Variants in TACR3 observed in about 807,000 individuals in gnomAD.
TACR3 encodes neuromedin-K receptor.
Under a neutral mutation model 35.0 loss-of-function variants are expected in TACR3, and 34 were observed. The observed-to-expected ratio is 0.97, with a 90% CI of 0.74 to 1.30. The LOEUF (loss-of-function observed/expected upper bound fraction) is 1.30, where lower values mean the gene tolerates loss of function less well. TACR3 is among the 50% of genes most tolerant of loss of function. The probability of loss-of-function intolerance (pLI) is 0.00; values close to 1 mark genes in which losing one functional copy is unlikely to be tolerated. For missense variants in TACR3, 558 were observed against 591.7 expected (o/e 0.94, Z 0.59); for synonymous variants, 233 against 221.1 (o/e 1.05, Z -0.48).
chr4:103,599,969 TA>T (rs1724153575), intron 3 of TACR3, among the ~76,000 whole-genome samples: 1 of 152,178 alleles, frequency 6.6e-6, no homozygotes, highest in South Asian at 2.1e-4. Flanking sequence ...GCTGGCCTCA[TA>T]AAATGAGTTA....
intron 3 of TACR3, among the ~76,000 whole-genome samples, chr4:103,623,255 C>G (rs888718592): frequency 1.3e-5 from 2 of 152,066 alleles, no homozygotes; most frequent in African/African-American, 2.4e-5. Context: ...CTTTTTTCCA[C>G]TCAACTATTG....
chr4:103,591,286 G>A, intron 4 of TACR3: 1 of 614,492 alleles, frequency 1.6e-6, no homozygotes, highest in African/African-American at 1.8e-5. Context: ...ATTATTTGGG[G>A]CATCTAATTA....
intron 3 of TACR3, among the ~76,000 whole-genome samples, chr4:103,619,285 G>T (rs1243002947): frequency 6.6e-6 from 1 of 152,090 alleles, no homozygotes; most frequent in African/African-American, 2.4e-5. Context: ...TGCCTCCAGG[G>T]TTCAAGCAAT....
chr4:103,610,357 G>A (rs1724486472), intron 3 of TACR3, among the ~76,000 whole-genome samples: 1 of 151,714 alleles, frequency 6.6e-6, no homozygotes, highest in Admixed American at 6.6e-5. Context: ...TCTAATTTGT[G>A]TTTCTCTAAT....
intron 3 of TACR3, among the ~76,000 whole-genome samples, chr4:103,603,100 T>TG (rs1016655714): frequency 6.6e-6 from 1 of 152,184 alleles, no homozygotes; most frequent in African/African-American, 2.4e-5. Flanking sequence ...CAATGGCAGG[T>TG]GCCCCTCCCC....
At chr4:103,597,054 A>G (rs901653642) in intron 3 of TACR3, among the ~76,000 whole-genome samples, 1 of 152,112 alleles carries the variant, frequency 6.6e-6, no homozygotes, top group Non-Finnish European at 1.5e-5. Flanking sequence ...TAGTGCCGCA[A>G]TAAACACATG....
intron 1 of TACR3, among the ~76,000 whole-genome samples, chr4:103,673,169 G>A (rs1259759669): frequency 1.3e-5 from 2 of 152,058 alleles, no homozygotes. Context: ...TGCTTTGTTT[G>A]CTTACCATTT....
At chr4:103,687,271 C>T (rs1293884408) in intron 1 of TACR3, among the ~76,000 whole-genome samples, 2 of 152,086 alleles carry the variant, frequency 1.3e-5, no homozygotes, top group African/African-American at 4.8e-5. Flanking sequence ...CTATCTATGA[C>T]AAATCCACAG....
chr4:103,659,762 A>T (rs1389361529), intron 1 of TACR3, among the ~76,000 whole-genome samples: 1 of 152,198 alleles, frequency 6.6e-6, no homozygotes. Context: ...TGGTAAGTAG[A>T]GTCATGCTTT....
Position 103,589,068 on chromosome 4 carries a change from C to T in TACR3, c.*614G>A, listed in dbSNP as rs1723834939. 1.3e-5 allele frequency: 2 copies of T among 152,092 alleles called. No individual in the cohort carries two copies. Among genetic ancestry groups the T allele is most frequent in the African/African-American group, 4.8e-5 (2 of 41,434 alleles). 9.4% of individuals were successfully genotyped at this position (152,092 alleles called of 1,614,324 possible). ...AATATACATTTGCCTAATGATTTAA[C>T]TAGATTTCCTTTTCAGTTAAATGCC... On this transcript the variant is annotated 3_prime_UTR_variant, in exon 5 of 5. Coordinates refer to ENST00000304883, the MANE Select transcript of TACR3 (RefSeq NM_001059.3).
At chr4:103,651,311 G>C (rs988938820) in intron 3 of TACR3, among the ~76,000 whole-genome samples, 1 of 151,638 alleles carries the variant, frequency 6.6e-6, no homozygotes, top group Non-Finnish European at 1.5e-5. Flanking sequence ...ACAAGAATCA[G>C]TTGTTTCCCC....
At chr4:103,605,777 C>T (rs1255700735) in intron 3 of TACR3, among the ~76,000 whole-genome samples, 6 of 151,692 alleles carry the variant, frequency 4.0e-5, no homozygotes, top group Non-Finnish European at 8.8e-5. Flanking sequence ...TGTAGGTTGC[C>T]TGTTCACTCT....
chr4:103,660,281 C>A (rs998335578), intron 1 of TACR3, among the ~76,000 whole-genome samples: 1 of 151,224 alleles, frequency 6.6e-6, no homozygotes, highest in East Asian at 1.9e-4. Flanking sequence ...GAAAAATAAT[C>A]ATATTTGTCC....
intron 1 of TACR3, among the ~76,000 whole-genome samples, chr4:103,665,918 T>C (rs1725928775): frequency 6.6e-6 from 1 of 152,154 alleles, no homozygotes; most frequent in Admixed American, 6.5e-5. Context: ...CTTAGAGATT[T>C]ATGAGAGAGG....
intron 3 of TACR3, among the ~76,000 whole-genome samples, chr4:103,614,255 G>C (rs560913997): frequency 2.0e-5 from 3 of 151,994 alleles, no homozygotes; most frequent in African/African-American, 7.2e-5. Context: ...TCTCTCTCTG[G>C]TAATCATCAT....
At chr4:103,604,757 A>C (rs1724307159) in intron 3 of TACR3, among the ~76,000 whole-genome samples, 1 of 148,064 alleles carries the variant, frequency 6.8e-6, no homozygotes, top group Admixed American at 6.6e-5. Flanking sequence ...AAAACAAGAC[A>C]GTTATGTGGC....
chr4:103,628,608 A>C (rs1427788564), intron 3 of TACR3, among the ~76,000 whole-genome samples: 1 of 152,178 alleles, frequency 6.6e-6, no homozygotes, highest in Non-Finnish European at 1.5e-5. Flanking sequence ...GGAAGAAGTC[A>C]AATCTCTGAA....
At chr4:103,690,419 G>T (rs73835397) in intron 1 of TACR3, among the ~76,000 whole-genome samples, 1 of 151,954 alleles carries the variant, frequency 6.6e-6, no homozygotes, top group African/African-American at 2.4e-5. Flanking sequence ...AGACAAACTA[G>T]GAACTCATTA....
intron 3 of TACR3, among the ~76,000 whole-genome samples, chr4:103,625,656 C>T (rs772224427): frequency 1.5e-4 from 23 of 152,176 alleles, no homozygotes; most frequent in Non-Finnish European, 2.9e-4. Context: ...CATATTAGAG[C>T]AGAATTCATC....
Sources: gnomAD v4.1 joint callset for allele counts (sites outside exome capture counted in the v4.1 genomes callset) on GRCh38, gnomAD v4.1.1 for gene constraint, MANE v1.5 for transcripts, NCBI Gene and HGNC (gene_info 2026-07-23, HGNC 2026-07-21) for gene names.